SMC6: variants seen among roughly 807,000 people sequenced by gnomAD.
SMC6 encodes the protein structural maintenance of chromosomes protein 6.
A neutral mutation model predicts 142.2 loss-of-function variants in SMC6; 79 were observed. The observed-to-expected ratio is 0.56, with a 90% CI of 0.46 to 0.67. SMC6 has a LOEUF of 0.67. Among genes scored for constraint, SMC6 ranks in the 30% least tolerant of loss-of-function variants. The pLI, the probability that SMC6 is intolerant of heterozygous loss-of-function variation, is 0.00. For synonymous variants in SMC6, 411 were observed against 412.4 expected (o/e 1.00, Z 0.04); for missense variants, 1,072 against 1,284.0 (o/e 0.83, Z 2.52).
chr2:17,750,515 C>A (rs564827671), intron 2 of SMC6, among the ~76,000 whole-genome samples: 1 of 152,276 alleles, frequency 6.6e-6, no homozygotes, highest in African/African-American at 2.4e-5. Flanking sequence ...TTCTAACATA[C>A]AAAGGCTTCT....
At chr2:17,671,240 T>C (rs576635211) in intron 25 of SMC6, among the ~76,000 whole-genome samples, 3 of 152,210 alleles carry the variant, frequency 2.0e-5, no homozygotes, top group African/African-American at 7.2e-5. Flanking sequence ...TAGTGACACC[T>C]AGTGGTTAAG....
At chr2:17,753,319 G>A (rs1671164818) in intron 1 of SMC6, among the ~76,000 whole-genome samples, 1 of 46,540 alleles carries the variant, frequency 2.1e-5, no homozygotes, top group Admixed American at 1.5e-4. Flanking sequence ...CAGCCCGGGA[G>A]AGTCTGGGGA....
intron 18 of SMC6, among the ~76,000 whole-genome samples, chr2:17,706,136 A>G (rs1385882655): frequency 1.3e-5 from 2 of 152,176 alleles, no homozygotes; most frequent in African/African-American, 2.4e-5. Context: ...TGTTTGAAAG[A>G]ACAAATAAAA....
chr2:17,685,927 G>C (rs936570891), intron 23 of SMC6, among the ~76,000 whole-genome samples: 4 of 151,316 alleles, frequency 2.6e-5, no homozygotes, highest in Non-Finnish European at 4.4e-5. Flanking sequence ...AAACTTTGAG[G>C]GGAAAAACAC....
At chr2:17,726,086 T>TAAA in intron 8 of SMC6, among the ~76,000 whole-genome samples, 1 of 37,186 alleles carries the variant, frequency 2.7e-5, no homozygotes, top group Admixed American at 2.3e-4. Context: ...AGGCTCTGTC[T>TAAA]TAAAAAAAAA....
chr2:17,741,458 A>G (rs1670468185), intron 4 of SMC6, among the ~76,000 whole-genome samples, 154 bp downstream of exon 4: 1 of 152,244 alleles, frequency 6.6e-6, no homozygotes, highest in Non-Finnish European at 1.5e-5. Context: ...TTAAGTGTAC[A>G]CTGGCAGCAA....
chr2:17,692,192 T>C (rs1175155998), intron 23 of SMC6, among the ~76,000 whole-genome samples: 3 of 152,112 alleles, frequency 2.0e-5, no homozygotes, highest in East Asian at 3.9e-4. Flanking sequence ...CTTCACAGAA[T>C]TGGAAAAAGC....
At chr2:17,671,003 A>T (rs1217138682) in intron 25 of SMC6, among the ~76,000 whole-genome samples, 2 of 150,248 alleles carry the variant, frequency 1.3e-5, no homozygotes, top group African/African-American at 2.4e-5. Context: ...TTGGGACCAC[A>T]GGAGTATGCC....
In SMC6 at chr2:17,664,564, G is replaced by T. The variant is rs935378421; in HGVS notation, c.*935C>A. The T allele has an allele frequency of 6.6e-6, 1 of 152,142 alleles. No individual in the cohort carries two copies. The highest frequency in any genetic ancestry group is 2.4e-5 in the African/African-American group (1 of 41,442). The allele number at this position is 152,142 out of a possible 1,614,324, so 9.4% of individuals were successfully genotyped here. A position where few individuals can be genotyped will look rare whatever the true frequency, so the allele number is the denominator to read the frequency against. The stretch of plus-strand genomic sequence containing the variant: ...TAATACAGGGAGCAATAAAATTCAT[G>T]TTTTCTAAAATAAAAAGTTCATAAA... On this transcript the variant is annotated 3_prime_UTR_variant, in exon 28 of 28. Coordinates refer to ENST00000448223, the MANE Select transcript of SMC6 (RefSeq NM_001142286.2).
intron 20 of SMC6, among the ~76,000 whole-genome samples, chr2:17,700,822 A>G (rs1431865727): frequency 1.3e-5 from 2 of 152,042 alleles, no homozygotes; most frequent in Non-Finnish European, 2.9e-5. Context: ...ACCTAAGGAC[A>G]GGAGTTTGAG....
At chr2:17,751,536 T>A (rs932191629) in intron 2 of SMC6, among the ~76,000 whole-genome samples, 1 of 151,100 alleles carries the variant, frequency 6.6e-6, no homozygotes, top group Non-Finnish European at 1.5e-5. Context: ...TCCTAAGGTA[T>A]TTTGAGATAG....
Position 17,697,136 on chromosome 2 carries a change from T to C in SMC6, c.2395-710A>G, listed in dbSNP as rs544503675. Among the ~76,000 whole-genome samples the C allele has an allele frequency of 1.8e-4, 28 of 152,222 alleles. No homozygotes were observed. The South Asian group carries it at 5.0e-3, about 27-fold the overall frequency. On this transcript the variant is annotated intron_variant, in intron 21 of 27. Transcript: ENST00000448223. ...ATGATGAAATATAGAATGCTTTCTT[T>C]CTAAGAACAAGAGCAAGGTAAGGAC...
In SMC6 at chr2:17,726,444, GTT is replaced by G. The variant is rs1398797984; in HGVS notation, c.567_568del (p.Leu189PhefsTer12). 3 of 1,611,302 alleles carry G rather than the reference GTT, an allele frequency of 1.9e-6. No homozygotes were observed. The highest frequency in any genetic ancestry group is 2.5e-6 in the Non-Finnish European group (3 of 1,179,266). On this transcript the variant is annotated frameshift_variant, in exon 8 of 28. Coordinates refer to ENST00000448223, the MANE Select transcript of SMC6 (RefSeq NM_001142286.2). LOFTEE classifies it high-confidence loss of function. ...TAAGAACTGCTTGCTCATTTCTTGTGTTAAAACAGAAACTGGATTATCCACCT... is the reference window on the plus strand; with the variant it reads ...TAAGAACTGCTTGCTCATTTCTTGTGAAAACAGAAACTGGATTATCCACCT...
chr2:17,666,374 C>G (rs1666496877), intron 27 of SMC6, 46 bp downstream of exon 27: 1 of 1,299,644 alleles, frequency 7.7e-7, no homozygotes, highest in Non-Finnish European at 1.1e-6. Context: ...ATTTCTTTCC[C>G]CCTTTTATAT....
rs751669386 is a variant in SMC6 at position 17,665,477 on chromosome 2, A to C, written c.*22T>G. 1.3e-6 allele frequency: 2 copies of C among 1,553,194 alleles called. No individual in the cohort carries two copies. The highest frequency in any genetic ancestry group is 1.8e-6 in the Non-Finnish European group (2 of 1,130,064). On this transcript the variant is annotated 3_prime_UTR_variant, in exon 28 of 28. Transcript: ENST00000448223. ...CCTTCACAAATCCTTCAACATCAGGACAAGGCATGTTAAGTTACAAATCAC... is the reference window on the plus strand; with the variant it reads ...CCTTCACAAATCCTTCAACATCAGGCCAAGGCATGTTAAGTTACAAATCAC...
At chr2:17,704,150 A>G (rs1668396988) in intron 18 of SMC6, among the ~76,000 whole-genome samples, 2 of 152,090 alleles carry the variant, frequency 1.3e-5, no homozygotes, top group Non-Finnish European at 2.9e-5. Context: ...TGAACAGGAC[A>G]CTAGATTATA....
At chr2:17,699,011 A>G (rs1366088363) in intron 21 of SMC6, among the ~76,000 whole-genome samples, 2 of 152,104 alleles carry the variant, frequency 1.3e-5, no homozygotes, top group Admixed American at 6.6e-5. Context: ...CCTCCTCTAC[A>G]TACATTTAGA....
chr2:17,714,724 A>G, intron 16 of SMC6, 137 bp downstream of exon 16: 1 of 857,408 alleles, frequency 1.2e-6, no homozygotes, highest in Non-Finnish European at 1.8e-6. Context: ...TAATACCTAG[A>G]CAGAAATTAA....
chr2:17,683,879 G>C lies in SMC6; in HGVS notation c.2679-116C>G. The C allele has an allele frequency of 1.2e-5, 10 of 868,682 alleles. No homozygotes were observed. The South Asian group carries it at 1.5e-4, about 13-fold the overall frequency. The allele number at this position is 868,682 out of a possible 1,614,324, so 53.8% of individuals were successfully genotyped here. A position where few individuals can be genotyped will look rare whatever the true frequency, so the allele number is the denominator to read the frequency against. ...GGGAGGGGCAGAGAGTACTAAGGGGGCCTAGTAGCAGTCAATTTCATAAAT... is the reference window on the plus strand; with the variant it reads ...GGGAGGGGCAGAGAGTACTAAGGGGCCCTAGTAGCAGTCAATTTCATAAAT... On this transcript the variant is annotated intron_variant, in intron 23 of 27. Coordinates refer to ENST00000448223, the MANE Select transcript of SMC6 (RefSeq NM_001142286.2).
Sources: allele counts gnomAD v4.1 joint callset (sites outside exome capture counted in the v4.1 genomes callset), GRCh38; gene constraint gnomAD v4.1.1; transcripts MANE v1.5; gene names NCBI Gene and HGNC (gene_info 2026-07-23, HGNC 2026-07-21).